The following UNC13A variants were observed in gnomAD, a reference collection of about 807,000 sequenced individuals.
The protein encoded by UNC13A is unc-13 homolog A, also known as protein unc-13 homolog A.
A neutral mutation model predicts 219.7 loss-of-function variants in UNC13A; 61 were observed. That is an observed-to-expected ratio of 0.28 (90% CI 0.23 to 0.34). UNC13A has a LOEUF of 0.34. Among genes scored for constraint, UNC13A ranks in the 10% least tolerant of loss-of-function variants. The pLI is 1.00. For synonymous variants in UNC13A, 920 were observed against 884.6 expected, an observed-to-expected ratio of 1.04 and a Z score of -0.71; for missense variants, 1,476 against 2,270.3, an observed-to-expected ratio of 0.65 and a Z score of 7.11.
chr19:17,671,693 G>T (rs1003320480), intron 4 of UNC13A, among the ~76,000 whole-genome samples: 1 of 152,096 alleles, frequency 6.6e-6, no homozygotes, highest in Non-Finnish European at 1.5e-5. Flanking sequence ...AGGATCACTT[G>T]AGCCTGGGAA....
chr19:17,608,438 AT>A (rs1229018169), intron 43 of UNC13A, among the ~76,000 whole-genome samples: 7 of 139,240 alleles, frequency 5.0e-5, no homozygotes, highest in Middle Eastern at 3.3e-3. Flanking sequence ...ATATATATTT[AT>A]TATATATTAT....
intron 2 of UNC13A, among the ~76,000 whole-genome samples, chr19:17,675,323 T>G (rs1013184464): frequency 4.0e-5 from 6 of 149,588 alleles, no homozygotes; most frequent in Non-Finnish European, 7.4e-5. Flanking sequence ...AAATAAAAAT[T>G]TTAAATAAAA....
At chr19:17,655,734 C>T (rs1040158786) in intron 10 of UNC13A, 149 bp downstream of exon 10, 37 of 1,412,430 alleles carry the variant, frequency 2.6e-5, no homozygotes, top group Non-Finnish European at 3.2e-5. Context: ...CCTACTCTGC[C>T]CTGTCACCTC....
At chr19:17,652,877 A>C (rs959129683) in intron 11 of UNC13A, among the ~76,000 whole-genome samples, 200 bp from the exon 12 acceptor site, 2 of 152,082 alleles carry the variant, frequency 1.3e-5, no homozygotes, top group Non-Finnish European at 2.9e-5. Context: ...GGGGAGAAAG[A>C]AGCTCTTCTC....
intron 9 of UNC13A, 114 bp downstream of exon 9, chr19:17,657,948 G>A (rs777604526): frequency 1.2e-4 from 129 of 1,095,818 alleles, no homozygotes; most frequent in Non-Finnish European, 1.6e-4. Flanking sequence ...TCCTGGATGG[G>A]TGAATTCTGC....
At position 17,633,117 on chromosome 19, in the gene UNC13A, C is replaced by T. The variant is rs372657345; in HGVS notation, c.3292G>A (p.Ala1098Thr). 13 of 1,614,020 alleles carry T rather than the reference C, an allele frequency of 8.1e-6. No individual in the cohort carries two copies. Among genetic ancestry groups the T allele is most frequent in the Admixed American group, 1.7e-5 (1 of 59,994 alleles). The part of the protein sequence containing the change: ...WNLFAQDMKY[A>T]MEEHDKHRLC... ...GGGGTGGGAAACTCACCCTCCATGG[C>T]GTACTTCATGTCTTGGGCAAACAGA... Residue 1098 changes from alanine (A) to threonine (T), a missense_variant, in exon 27 of 44, where the codon GCC becomes ACC. Transcript: ENST00000519716.
At position 17,601,916 on chromosome 19, in the gene UNC13A, G is replaced by C. The variant is rs1025342730; in HGVS notation, c.*4138C>G. The stretch of plus-strand genomic sequence containing the variant: ...TGGGGAGCAGACGGGGTTGTGATCC[G>C]GGACTAAGGCCCTCCCCCAACTTCC... On this transcript the variant is annotated 3_prime_UTR_variant, in exon 44 of 44. Coordinates refer to ENST00000519716, the MANE Select transcript of UNC13A (RefSeq NM_001080421.3). 3 of 152,624 alleles carry C rather than the reference G, an allele frequency of 2.0e-5. No individual in the cohort carries two copies. The highest frequency in any genetic ancestry group is 7.2e-5 in the African/African-American group (3 of 41,432). The allele number at this position is 152,624 out of a possible 1,614,324, so 9.5% of individuals were successfully genotyped here. A position where few individuals can be genotyped will look rare whatever the true frequency, so the allele number is the denominator to read the frequency against.
intron 27 of UNC13A, 51 bp from the exon 28 acceptor site, chr19:17,632,959 G>C: frequency 6.2e-7 from 1 of 1,612,654 alleles, no homozygotes. Context: ...GCCACCCTCT[G>C]TCTCGGCAGA....
At chr19:17,648,720 C>T in intron 15 of UNC13A, 70 bp from the exon 16 acceptor site, 2 of 1,563,388 alleles carry the variant, frequency 1.3e-6, no homozygotes, top group South Asian at 1.2e-5. Context: ...CCCCATTCCG[C>T]CCCATCACTG....
intron 29 of UNC13A, 98 bp from the exon 30 acceptor site, chr19:17,630,386 A>G (rs1599351538): frequency 2.0e-6 from 3 of 1,501,554 alleles, no homozygotes; most frequent in East Asian, 4.9e-5. Context: ...CCAGAGACCA[A>G]TTTCCCCGGG....
chr19:17,653,394 C>A (rs1046437640), intron 11 of UNC13A, among the ~76,000 whole-genome samples: 1 of 151,914 alleles, frequency 6.6e-6, no homozygotes, highest in Non-Finnish European at 1.5e-5. Flanking sequence ...GTTGCCCAGG[C>A]TGGAGTGCAG....
At chr19:17,643,012 G>T in intron 19 of UNC13A, 52 bp from the exon 20 acceptor site, 1 of 1,493,676 alleles carries the variant, frequency 6.7e-7, no homozygotes, top group Non-Finnish European at 9.1e-7. Context: ...ATAGCAGTGG[G>T]CAATTTTTTT....
chr19:17,623,447 C>CTGGG, intron 36 of UNC13A, 95 bp downstream of exon 36: 1 of 863,954 alleles, frequency 1.2e-6, no homozygotes, highest in South Asian at 1.7e-5. Context: ...GGAGGGGGCG[C>CTGGG]TGGGTGGGTG....
Position 17,664,226 on chromosome 19 carries a change from G to T in UNC13A, c.524-659C>A, listed in dbSNP as rs557808560. Among the ~76,000 whole-genome samples, 119 of 152,226 alleles carry T rather than the reference G, an allele frequency of 7.8e-4. 1 individual carries two copies. Among genetic ancestry groups the T allele is most frequent in the African/African-American group, 2.6e-3 (108 of 41,526 alleles). On this transcript the variant is annotated intron_variant, in intron 7 of 43. Transcript: ENST00000519716. The stretch of plus-strand genomic sequence containing the variant: ...CAGTCTCCACCCTTTTCCTCTCCCA[G>T]CTCTTGGATAAGGAAAGACACACTA...
intron 6 of UNC13A, among the ~76,000 whole-genome samples, chr19:17,667,323 C>T (rs2079675286): frequency 6.6e-6 from 1 of 151,670 alleles, no homozygotes; most frequent in Non-Finnish European, 1.5e-5. Flanking sequence ...GGGAGCAGGA[C>T]AAGAGTGAAA....
Position 17,658,253 on chromosome 19 carries a change from A to G in UNC13A, c.576T>C (p.Ser192=). ...AGTCACTGTCACGATCATCCACTGC[A>G]CTGTCGGGGTCATCGTCTGGAAGAG... ...WGEQHNDDPD[S]AVDDRDSDYR... is the part of the protein sequence containing the mutation. Residue 192 remains serine (S), a synonymous_variant, in exon 9 of 44, where the codon AGT becomes AGC. Transcript: ENST00000519716. 1 of 1,613,172 alleles carries G rather than the reference A, an allele frequency of 6.2e-7. No individual in the cohort carries two copies. The highest frequency in any genetic ancestry group is 2.2e-5 in the East Asian group (1 of 44,866).
intron 6 of UNC13A, among the ~76,000 whole-genome samples, chr19:17,667,743 G>T (rs2079685516): frequency 6.6e-6 from 1 of 150,704 alleles, no homozygotes; most frequent in African/African-American, 2.4e-5. Flanking sequence ...CCAAATTGCT[G>T]GGATTACAGG....
chr19:17,611,955 A>G, intron 41 of UNC13A, 100 bp from the exon 42 acceptor site: 1 of 1,017,956 alleles, frequency 9.8e-7, no homozygotes, highest in Non-Finnish European at 1.5e-6. Context: ...TGGCGGCACC[A>G]GGTCATCAGC....
At chr19:17,641,215 G>C (rs112651818) in intron 21 of UNC13A, among the ~76,000 whole-genome samples, 178 bp downstream of exon 21, 60 of 152,054 alleles carry the variant, frequency 3.9e-4, no homozygotes, top group African/African-American at 1.4e-3. Context: ...TCTCTTCCAT[G>C]TCACTCCAGG....
Sources: allele counts gnomAD v4.1 joint callset (sites outside exome capture counted in the v4.1 genomes callset), GRCh38; gene constraint gnomAD v4.1.1; transcripts MANE v1.5; gene names NCBI Gene and HGNC (gene_info 2026-07-23, HGNC 2026-07-21).